Variants in NEDD4L observed in about 807,000 individuals in gnomAD.
NEDD4L encodes the protein E3 ubiquitin-protein ligase NEDD4-like.
In NEDD4L, 54 loss-of-function variants were observed where a neutral mutation model predicts 148.9. That is an observed-to-expected ratio of 0.36 (90% CI 0.29 to 0.45). The LOEUF (loss-of-function observed/expected upper bound fraction) is 0.45. Among genes scored for constraint, NEDD4L ranks in the 20% least tolerant of loss-of-function variants. The pLI, the probability that NEDD4L is intolerant of heterozygous loss-of-function variation, is 1.00. For synonymous variants in NEDD4L, 433 were observed against 440.7 expected, an observed-to-expected ratio of 0.98 and a Z score of 0.22; for missense variants, 856 against 1,233.8, an observed-to-expected ratio of 0.69 and a Z score of 4.59.
chr18:58,333,716 G>A (rs780704516), intron 11 of NEDD4L, 102 bp from the exon 12 acceptor site: 22 of 776,752 alleles, frequency 2.8e-5, no homozygotes, highest in Non-Finnish European at 4.3e-5. Flanking sequence ...TTCTAATATC[G>A]AAGAGCGGTG....
At chr18:58,208,059 A>ACAG (rs2042150674) in intron 2 of NEDD4L, among the ~76,000 whole-genome samples, 1 of 152,072 alleles carries the variant, frequency 6.6e-6, no homozygotes, top group Non-Finnish European at 1.5e-5. Context: ...AACAACAACA[A>ACAG]CAACAAAGAG....
intron 15 of NEDD4L, among the ~76,000 whole-genome samples, chr18:58,342,544 T>C (rs1014854505): frequency 6.6e-6 from 1 of 152,218 alleles, no homozygotes; most frequent in African/African-American, 2.4e-5. Context: ...TTCCTTTTTG[T>C]GCTCTAAAAC....
At chr18:58,361,099 A>G (rs10513914) in intron 19 of NEDD4L, among the ~76,000 whole-genome samples, 51,256 of 151,956 alleles carry the variant, frequency 0.34, 9,263 homozygotes, top group African/African-American at 0.46. Context: ...TTTCTCCATC[A>G]TGTAGACCAA....
At chr18:58,176,245 C>G (rs1260638203) in intron 2 of NEDD4L, among the ~76,000 whole-genome samples, 3 of 152,140 alleles carry the variant, frequency 2.0e-5, no homozygotes, top group Admixed American at 6.5e-5. Context: ...CCCTGTCCCT[C>G]TCTCCTGCCT....
intron 1 of NEDD4L, among the ~76,000 whole-genome samples, chr18:58,088,980 A>G (rs1455061052): frequency 1.3e-5 from 2 of 152,162 alleles, no homozygotes; most frequent in Non-Finnish European, 2.9e-5. Context: ...CACTGGACAG[A>G]TAGATAAGGT....
chr18:58,267,259 C>T lies in NEDD4L; in HGVS notation c.297+15205C>T, dbSNP rs1038620907. Among the ~76,000 whole-genome samples the T allele has an allele frequency of 4.6e-5, 7 of 152,022 alleles. 1 individual carries two copies. Among genetic ancestry groups the T allele is most frequent in the Non-Finnish European group, 1.0e-4 (7 of 67,968 alleles). On this transcript the variant is annotated intron_variant, in intron 5 of 30. Coordinates refer to ENST00000400345, the MANE Select transcript of NEDD4L (RefSeq NM_001144967.3). ...GTATTAGTCCTCTGAGTTCCGGTTGCCCCTTAACTTGGATCTTAATTTACA... is the reference window on the plus strand; with the variant it reads ...GTATTAGTCCTCTGAGTTCCGGTTGTCCCTTAACTTGGATCTTAATTTACA...
At chr18:58,123,427 C>T (rs2145848209) in intron 1 of NEDD4L, among the ~76,000 whole-genome samples, 1 of 152,292 alleles carries the variant, frequency 6.6e-6, no homozygotes, top group South Asian at 2.1e-4. Context: ...CACCTTTTCA[C>T]CCCCTTTCCG....
intron 18 of NEDD4L, chr18:58,351,266 G>A (rs1289349883): frequency 2.7e-6 from 2 of 744,926 alleles, no homozygotes; most frequent in African/African-American, 1.9e-5. Context: ...CTGATCTTGT[G>A]ACCTATTAAC....
intron 2 of NEDD4L, among the ~76,000 whole-genome samples, chr18:58,192,920 CTT>C (rs2040272016): frequency 3.9e-5 from 6 of 152,194 alleles, no homozygotes; most frequent in African/African-American, 7.2e-5. Context: ...TGCCTGCTTT[CTT>C]CACTTCTGAT....
At chr18:58,052,782 A>G (rs1381943515) in intron 1 of NEDD4L, among the ~76,000 whole-genome samples, 1 of 152,090 alleles carries the variant, frequency 6.6e-6, no homozygotes, top group East Asian at 1.9e-4. Flanking sequence ...CCTGACCAAC[A>G]TGGCAAAACC....
At chr18:58,297,674 C>T (rs761197714) in intron 5 of NEDD4L, among the ~76,000 whole-genome samples, 5 of 152,128 alleles carry the variant, frequency 3.3e-5, no homozygotes, top group Non-Finnish European at 7.4e-5. Flanking sequence ...GAAAATGCCC[C>T]TGCAGATGTG....
At chr18:58,346,824 T>G (rs548574867) in intron 16 of NEDD4L, among the ~76,000 whole-genome samples, 3 of 152,274 alleles carry the variant, frequency 2.0e-5, no homozygotes, top group Non-Finnish European at 4.4e-5. Context: ...ATCAGAGCCC[T>G]CGTTAGTATT....
intron 1 of NEDD4L, chr18:58,091,086 T>C (rs947005786): frequency 6.6e-6 from 1 of 152,222 alleles, no homozygotes; most frequent in Non-Finnish European, 1.5e-5. Flanking sequence ...AAATCTGCCT[T>C]CTTGTCCATT....
rs374563176 is a variant in NEDD4L, at chr18:58,182,255, G to T, written c.122+16394G>T. The stretch of plus-strand genomic sequence containing the variant: ...CACAGAGGAAAATGCGGGGCGGGGG[G>T]TGAATGCATCTGCTCATTTTGTAAT... On this transcript the variant is annotated intron_variant, in intron 2 of 30. Coordinates refer to ENST00000400345, the MANE Select transcript of NEDD4L (RefSeq NM_001144967.3). Among the ~76,000 whole-genome samples, 3 of 152,032 alleles carry T rather than the reference G, an allele frequency of 2.0e-5. No homozygotes were observed. In the East Asian group the frequency reaches 5.8e-4, roughly 29 times the overall value.
intron 2 of NEDD4L, among the ~76,000 whole-genome samples, chr18:58,192,541 C>T (rs1464035776): frequency 6.6e-6 from 1 of 152,210 alleles, no homozygotes; most frequent in South Asian, 2.1e-4. Context: ...TAGTGATTCA[C>T]GTTAGCCTTT....
intron 5 of NEDD4L, among the ~76,000 whole-genome samples, chr18:58,286,166 G>A (rs950016212): frequency 2.6e-5 from 4 of 152,142 alleles, no homozygotes; most frequent in Admixed American, 1.3e-4. Flanking sequence ...CCTGAACATA[G>A]CCAACTATGA....
chr18:58,234,045 TTTTCTTTCTTTCTTTCTTTCTTTC>T (rs1156456436), intron 2 of NEDD4L, among the ~76,000 whole-genome samples: 3 of 117,874 alleles, frequency 2.5e-5, no homozygotes, highest in East Asian at 2.6e-4. Flanking sequence ...ATTTCTTTCC[TTTTCTTTCTTTCTTTCTTTCTTTC>T]TTTCTTTCTT....
At chr18:58,306,633 T>C (rs113639947) in intron 5 of NEDD4L, among the ~76,000 whole-genome samples, 1 of 149,432 alleles carries the variant, frequency 6.7e-6, no homozygotes, top group African/African-American at 2.6e-5. Flanking sequence ...CTTTCTTCTT[T>C]TTTTTTTTTG....
At chr18:58,104,545 G>A (rs990970616) in intron 1 of NEDD4L, among the ~76,000 whole-genome samples, 2 of 151,906 alleles carry the variant, frequency 1.3e-5, no homozygotes, top group African/African-American at 2.4e-5. Context: ...TAGAAAAGAT[G>A]CTTCGCTTGT....
Sources: gnomAD v4.1 joint callset for allele counts (sites outside exome capture counted in the v4.1 genomes callset) on GRCh38, gnomAD v4.1.1 for gene constraint, MANE v1.5 for transcripts, NCBI Gene and HGNC (gene_info 2026-07-23, HGNC 2026-07-21) for gene names.